Variants in ADCY9 observed in about 807,000 individuals in gnomAD.
The protein encoded by ADCY9 is adenylate cyclase 9, also known as adenylate cyclase type 9.
In ADCY9, 50 loss-of-function variants were observed where a neutral mutation model predicts 101.5. The observed-to-expected ratio is 0.49, with a 90% CI of 0.39 to 0.62. The LOEUF (loss-of-function observed/expected upper bound fraction) is 0.62, where lower values mean the gene tolerates loss of function less well. ADCY9 is among the 20% of genes least tolerant of loss of function. ADCY9 has a pLI of 0.00. For missense variants in ADCY9, 1,662 were observed against 1,800.4 expected, an observed-to-expected ratio of 0.92 and a Z score of 1.39; for synonymous variants, 905 against 769.3, an observed-to-expected ratio of 1.18 and a Z score of -2.92.
chr16:3,992,299 A>C lies in ADCY9; in HGVS notation c.2054T>G (p.Leu685Arg). 1 of 1,614,048 alleles carries C rather than the reference A, an allele frequency of 6.2e-7. No homozygotes were observed. Among genetic ancestry groups the C allele is most frequent in the Non-Finnish European group, 8.5e-7 (1 of 1,180,012 alleles). ...GLLSPPQEEK[L>R]TNSQTSLCEI... ...ACACAGAGAAGTCTGACTGTTGGTG[A>C]GCTTCTCCTCTTGGGGAGGGCTGAG... The change falls in exon 5 of 11, where the codon CTC becomes CGC. Residue 685 changes from leucine (L) to arginine (R), a missense_variant. By Grantham distance (102) the Leu-to-Arg change is moderately radical (BLOSUM62 -2). This residue lies in a region of ADCY9 where 624 missense variants were observed against 639.1 expected (regional missense o/e 0.98). Transcript: ENST00000294016. This position sits in a 1 kb window ranked among gnomAD's most constrained non-coding sequence, Gnocchi z 4.2.
At position 3,986,779 on chromosome 16, in the gene ADCY9, G is replaced by A. The variant is rs2056196680; in HGVS notation, c.2310+2215C>T. On this transcript the variant is annotated intron_variant, in intron 6 of 10. Transcript: ENST00000294016. ...GGCCATGTTTTTCTTCTTTTTGTTG[G>A]AAGAGACAGGGTCTCACTATGTTGC... Among the ~76,000 whole-genome samples the A allele has an allele frequency of 2.6e-5, 4 of 152,116 alleles. No homozygotes were observed. In the South Asian group the frequency reaches 8.3e-4, roughly 31 times the overall value.
intron 2 of ADCY9, among the ~76,000 whole-genome samples, chr16:4,069,151 T>C (rs1244583300): frequency 6.6e-6 from 1 of 152,172 alleles, no homozygotes; most frequent in African/African-American, 2.4e-5. Context: ...ACCAACAGTG[T>C]TTCAGAGGGC....
chr16:3,997,841 C>T (rs557924636), intron 3 of ADCY9, among the ~76,000 whole-genome samples: 6 of 152,310 alleles, frequency 3.9e-5, no homozygotes, highest in Admixed American at 3.3e-4. Context: ...TCCCTGTAAT[C>T]CCAGCCCTTT....
rs976439936 is a variant in ADCY9 at position 3,983,246 on chromosome 16, G to A, written c.2505C>T (p.Leu835=). The change falls in exon 7 of 11, where the codon CTC becomes CTT. Residue 835 remains leucine (L), a synonymous_variant. Transcript: ENST00000294016. ...GCGGCGCTTACCTGATGGACACCGCGAGGGACAGCACCTCCAGCAGCAGGG... is the reference window on the plus strand; with the variant it reads ...GCGGCGCTTACCTGATGGACACCGCAAGGGACAGCACCTCCAGCAGCAGGG... ...SAALLLEVLS[L]AVSIRMVFFL... 36 of 1,550,978 alleles carry A rather than the reference G, an allele frequency of 2.3e-5. No individual in the cohort carries two copies. Among genetic ancestry groups the A allele is most frequent in the Non-Finnish European group, 3.1e-5 (35 of 1,147,106 alleles).
chr16:4,079,841 T>C (rs2056890981), intron 2 of ADCY9, among the ~76,000 whole-genome samples: 2 of 152,108 alleles, frequency 1.3e-5, no homozygotes, highest in Admixed American at 1.3e-4. Context: ...AAAATGGCTA[T>C]CTCTAGTTGG....
intron 2 of ADCY9, among the ~76,000 whole-genome samples, chr16:4,028,139 A>G (rs2056530524): frequency 6.6e-6 from 1 of 152,204 alleles, no homozygotes; most frequent in Non-Finnish European, 1.5e-5. Context: ...TGGTGGCTAC[A>G]AAACCTATAC....
intron 2 of ADCY9, among the ~76,000 whole-genome samples, chr16:4,024,451 C>A (rs553830260): frequency 6.6e-6 from 1 of 152,334 alleles, no homozygotes; most frequent in East Asian, 1.9e-4. Context: ...CGACGTCAAG[C>A]ACAGCTTGAT....
chr16:4,044,495 T>A (rs1447329799), intron 2 of ADCY9, among the ~76,000 whole-genome samples: 1 of 152,192 alleles, frequency 6.6e-6, no homozygotes, highest in Non-Finnish European at 1.5e-5. Context: ...AGGCTTCCCA[T>A]ATAGTAAAAC....
At chr16:4,014,415 G>A (rs2056424173) in intron 2 of ADCY9, among the ~76,000 whole-genome samples, 1 of 151,576 alleles carries the variant, frequency 6.6e-6, no homozygotes, top group Non-Finnish European at 1.5e-5. Flanking sequence ...CACCTTGCCT[G>A]TTTAATTTGA....
chr16:4,058,654 T>C (rs1192788254), intron 2 of ADCY9, among the ~76,000 whole-genome samples: 1 of 151,890 alleles, frequency 6.6e-6, no homozygotes, highest in Non-Finnish European at 1.5e-5. Flanking sequence ...CCTGGGAAGG[T>C]ATGTGTGATC....
At position 3,979,256 on chromosome 16, in the gene ADCY9, C is replaced by A; in HGVS notation, c.2539G>T (p.Asp847Tyr). The A allele has an allele frequency of 6.2e-7, 1 of 1,613,898 alleles. No individual in the cohort carries two copies. ...VSIRMVFFLEDVMACTKRLLE... is the reference protein window; with the variant it reads ...VSIRMVFFLEYVMACTKRLLE... ...AGGCGCTTGGTGCAGGCCATGACGT[C>A]CTCCAGGAAGAACACCATCCTGCGA... Residue 847 changes from aspartate to tyrosine, a missense_variant, in exon 8 of 11, where the codon GAC (aspartate) becomes TAC (tyrosine). By Grantham distance (160) the Asp-to-Tyr change is radical. Transcript: ENST00000294016.
chr16:4,035,864 T>C (rs1402473202), intron 2 of ADCY9, among the ~76,000 whole-genome samples: 1 of 151,850 alleles, frequency 6.6e-6, no homozygotes, highest in African/African-American at 2.4e-5. Context: ...ACAGGCGTGG[T>C]GGCACATGAT....
chr16:4,033,696 T>C (rs1332181419), intron 2 of ADCY9, among the ~76,000 whole-genome samples: 4 of 152,204 alleles, frequency 2.6e-5, no homozygotes, highest in Admixed American at 1.3e-4. Context: ...ATTACAGGCA[T>C]GAGCCTTGAC....
intron 2 of ADCY9, among the ~76,000 whole-genome samples, chr16:4,036,088 G>A (rs1342005407): frequency 8.1e-6 from 1 of 124,172 alleles, no homozygotes; most frequent in Non-Finnish European, 1.6e-5. Context: ...TAGATCCCAT[G>A]ATGCCAGAGC....
At chr16:4,109,444 G>A (rs926183653) in intron 2 of ADCY9, among the ~76,000 whole-genome samples, 6 of 152,318 alleles carry the variant, frequency 3.9e-5, no homozygotes, top group East Asian at 3.9e-4. Flanking sequence ...TGCCTGGCAC[G>A]GAGTAAATGA....
intron 2 of ADCY9, among the ~76,000 whole-genome samples, chr16:4,040,805 T>C (rs1597184927): frequency 1.3e-5 from 2 of 151,834 alleles, no homozygotes; most frequent in Admixed American, 1.3e-4. Context: ...CCAGGTTAAA[T>C]AAAGTATCTA....
At chr16:4,051,071 G>C (rs1421324375) in intron 2 of ADCY9, among the ~76,000 whole-genome samples, 1 of 151,974 alleles carries the variant, frequency 6.6e-6, no homozygotes, top group Non-Finnish European at 1.5e-5. Context: ...AAATTAGCTG[G>C]GTGTGGTGGC....
chr16:4,008,124 A>C (rs1597161285), intron 2 of ADCY9, among the ~76,000 whole-genome samples: 1 of 152,094 alleles, frequency 6.6e-6, no homozygotes. Context: ...GTTGGATTCA[A>C]ACACTCACCC....
chr16:4,103,285 C>T (rs987217382), intron 2 of ADCY9, among the ~76,000 whole-genome samples: 2 of 152,218 alleles, frequency 1.3e-5, no homozygotes, highest in African/African-American at 2.4e-5. Flanking sequence ...AAGTGTGATC[C>T]GCAGATCCCT....
Sources: gnomAD v4.1 joint callset for allele counts (sites outside exome capture counted in the v4.1 genomes callset) on GRCh38, gnomAD v4.1.1 for gene constraint, gnomAD v4.1.1 regional missense constraint, Gnocchi (gnomAD v3.1) non-coding constraint, MANE v1.5 for transcripts, NCBI Gene and HGNC (gene_info 2026-07-23, HGNC 2026-07-21) for gene names.